ATP2B3: variants seen among roughly 807,000 people sequenced by gnomAD.
ATP2B3 encodes ATPase plasma membrane Ca2+ transporting 3.
Under a neutral mutation model 70.8 loss-of-function variants are expected in ATP2B3, and 12 were observed. That is an observed-to-expected ratio of 0.17 (90% CI 0.11 to 0.27). The LOEUF is 0.27. Ranked by LOEUF, ATP2B3 falls within the 10% of genes least tolerant of loss-of-function variation. The pLI, the probability that ATP2B3 is intolerant of heterozygous loss-of-function variation, is 1.00. For synonymous variants in ATP2B3, 460 were observed against 497.8 expected (o/e 0.92, Z 1.01); for missense variants, 858 against 1,118.5 (o/e 0.77, Z 3.32).
intron 7 of ATP2B3, among the ~76,000 whole-genome samples, chrX:153,545,497 C>G (rs1323938211): frequency 8.9e-6 from 1 of 112,847 alleles, no homozygotes; most frequent in African/African-American, 3.2e-5. Flanking sequence ...ATGGCGAAAC[C>G]CCGTCTCTAT....
intron 7 of ATP2B3, among the ~76,000 whole-genome samples, chrX:153,545,773 T>C (rs146823579): frequency 0.012 from 1,362 of 112,202 alleles, 26 homozygotes; most frequent in African/African-American, 0.042. Flanking sequence ...ACGTCCCGAC[T>C]TGGGGAGGTT....
chrX:153,526,271 A>G (rs56204600), intron 2 of ATP2B3, among the ~76,000 whole-genome samples: 5,621 of 111,414 alleles, frequency 0.05, 155 homozygotes, highest in Middle Eastern at 0.088. Context: ...TGCTGATGAC[A>G]GATGATGATA....
intron 2 of ATP2B3, among the ~76,000 whole-genome samples, chrX:153,523,292 C>T (rs569643680): frequency 8.9e-6 from 1 of 112,515 alleles, no homozygotes; most frequent in South Asian, 3.7e-4. Context: ...ATGTATCAGG[C>T]GGCCTTCAGT....
chrX:153,538,961 T>C (rs1178958908), intron 3 of ATP2B3, among the ~76,000 whole-genome samples: 17 of 112,728 alleles, frequency 1.5e-4, no homozygotes, highest in Non-Finnish European at 2.8e-4. Context: ...AGGGACAAAC[T>C]GGGCATGTGA....
At chrX:153,556,788 G>A in intron 15 of ATP2B3, 129 bp from the exon 16 acceptor site, 1 of 621,182 alleles carries the variant, frequency 1.6e-6, no homozygotes, top group Non-Finnish European at 2.6e-6. Flanking sequence ...AGATAATTGG[G>A]ACAGTCAGGA....
intron 21 of ATP2B3, among the ~76,000 whole-genome samples, chrX:153,573,365 A>T (rs1343435986): frequency 8.9e-6 from 1 of 112,065 alleles, no homozygotes; most frequent in Non-Finnish European, 1.9e-5. Context: ...TGTTTTCTGG[A>T]GTTTGCTCCA....
chrX:153,560,613 G>A (rs782150532), intron 18 of ATP2B3, 63 bp from the exon 19 acceptor site: 481 of 1,143,414 alleles, frequency 4.2e-4, no homozygotes, highest in Non-Finnish European at 5.4e-4. Context: ...CCGAAGTCTC[G>A]CTCCTGAGTA....
intron 2 of ATP2B3, among the ~76,000 whole-genome samples, chrX:153,523,509 A>G (rs1045725713): frequency 5.4e-5 from 6 of 111,735 alleles, no homozygotes; most frequent in Admixed American, 1.9e-4. Flanking sequence ...ATCGCACTGC[A>G]TGGTGTCGCT....
intron 3 of ATP2B3, among the ~76,000 whole-genome samples, chrX:153,539,395 C>G (rs984430418): frequency 1.8e-5 from 2 of 112,753 alleles, no homozygotes; most frequent in Admixed American, 1.8e-4. Context: ...GCCATGTGGC[C>G]GTCGCCTAGC....
chrX:153,554,614 A>AAG (rs1569534932), intron 13 of ATP2B3, among the ~76,000 whole-genome samples: 2 of 112,920 alleles, frequency 1.8e-5, no homozygotes, highest in Non-Finnish European at 1.9e-5. Context: ...GGCAACAGGC[A>AAG]GTAGGACACA....
Position 153,580,166 on chromosome X carries a change from G to GGCGCCC in ATP2B3, c.3531_3532insGCGCCC (p.Pro1177_Ser1178insAlaPro). ...AGCGCCTCCGGGCCCCCCCGCCCCC[G>GGCGCCC]TCCCCCAACCAGAACAACAACGCCA... On this transcript the variant is annotated inframe_insertion, in exon 22 of 22. Coordinates refer to ENST00000263519, the MANE Select transcript of ATP2B3 (RefSeq NM_001001344.3). 1.2e-6 allele frequency: 1 copy of GGCGCCC among 867,975 alleles called. No homozygotes were observed. The highest frequency in any genetic ancestry group is 1.5e-6 in the Non-Finnish European group (1 of 667,676). 71.5% of individuals were successfully genotyped at this position (867,975 alleles called of 1,213,427 possible).
intron 13 of ATP2B3, 137 bp downstream of exon 13, chrX:153,553,406 G>GAGAGCACCCAGGA: frequency 1.9e-6 from 1 of 526,498 alleles, no homozygotes; most frequent in Non-Finnish European, 3.0e-6. Context: ...CGTCCTGGGT[G>GAGAGCACCCAGGA]CTCTCACCCT....
chrX:153,563,783 T>C (rs2090661875), intron 20 of ATP2B3, among the ~76,000 whole-genome samples: 1 of 112,684 alleles, frequency 8.9e-6, no homozygotes, highest in African/African-American at 3.2e-5. Flanking sequence ...TCAGGGCTAC[T>C]GGGTTGTCCT....
rs782331590 is a variant in ATP2B3 at position 153,556,237 on chromosome X, C to G, written c.2238+9C>G. On this transcript the variant is annotated intron_variant, in intron 14 of 21. Coordinates refer to ENST00000263519, the MANE Select transcript of ATP2B3 (RefSeq NM_001001344.3). ...GCAATGAGAAAGGCGAGGTAGCACC[C>G]GGCTGTCTGCCACCCCAGACCCCCC... 3.3e-6 allele frequency: 4 copies of G among 1,204,919 alleles called. No homozygotes were observed. Among genetic ancestry groups the G allele is most frequent in the African/African-American group, 3.5e-5 (2 of 57,324 alleles).
chrX:153,526,038 C>T (rs2090027225), intron 2 of ATP2B3, among the ~76,000 whole-genome samples: 1 of 112,962 alleles, frequency 8.9e-6, no homozygotes, highest in Non-Finnish European at 1.9e-5. Context: ...CACCCTTCCC[C>T]GAAGGAGGAA....
intron 2 of ATP2B3, among the ~76,000 whole-genome samples, chrX:153,521,616 G>A (rs1435752155): frequency 8.9e-6 from 1 of 111,822 alleles, no homozygotes; most frequent in Non-Finnish European, 1.9e-5. Flanking sequence ...TTATTTAAAG[G>A]GGTCCTGAGC....
Position 153,542,319 on chromosome X carries a change from C to T in ATP2B3, c.665-4C>T, listed in dbSNP as rs202075780. The T allele has an allele frequency of 1.2e-5, 15 of 1,209,786 alleles. No homozygotes were observed. The East Asian group carries it at 2.1e-4, about 17-fold the overall frequency. ...AGAAAGGCCTCTGCTTCCCGGTGCT[C>T]TAGGCGACCTGCTGCCAGCCGACGG... On this transcript the variant is annotated splice_region_variant and splice_polypyrimidine_tract_variant and intron_variant, in intron 5 of 21. Transcript: ENST00000263519.
At chrX:153,548,042 C>G in intron 9 of ATP2B3, 43 bp downstream of exon 9, 2 of 1,159,986 alleles carry the variant, frequency 1.7e-6, no homozygotes, top group South Asian at 4.1e-5. Flanking sequence ...ATTGACTGGG[C>G]GTGGAGGATG....
intron 21 of ATP2B3, chrX:153,569,947 T>C (rs2090764241): frequency 6.3e-6 from 3 of 475,306 alleles, no homozygotes; most frequent in Non-Finnish European, 1.0e-5. Flanking sequence ...TTATGAAACG[T>C]ATTCAACCCA....
Sources: allele counts gnomAD v4.1 joint callset (sites outside exome capture counted in the v4.1 genomes callset), GRCh38; gene constraint gnomAD v4.1.1; transcripts MANE v1.5; gene names NCBI Gene and HGNC (gene_info 2026-07-23, HGNC 2026-07-21).